QRFPR: variants seen among roughly 807,000 people sequenced by gnomAD.
The protein encoded by QRFPR is pyroglutamylated RF-amide peptide receptor.
In QRFPR, 37 loss-of-function variants were observed where a neutral mutation model predicts 31.3. The ratio of observed to expected loss-of-function variants is 1.18; its 90% CI spans 0.91 to 1.56. The LOEUF is 1.56. QRFPR is among the 40% of genes most tolerant of loss of function. QRFPR has a pLI of 0.00. For synonymous variants in QRFPR, 197 were observed against 192.0 expected, an observed-to-expected ratio of 1.03 and a Z score of -0.22; for missense variants, 542 against 532.5, an observed-to-expected ratio of 1.02 and a Z score of -0.18.
At chr4:121,350,681 G>T (rs956723688) in intron 1 of QRFPR, among the ~76,000 whole-genome samples, 7 of 152,044 alleles carry the variant, frequency 4.6e-5, no homozygotes, top group Non-Finnish European at 8.8e-5. Flanking sequence ...TTTATTTTTG[G>T]AAGGTAGCTT....
chr4:121,344,962 G>A (rs957164643), intron 1 of QRFPR, among the ~76,000 whole-genome samples: 1 of 152,100 alleles, frequency 6.6e-6, no homozygotes, highest in Non-Finnish European at 1.5e-5. Context: ...CTGTTTACTT[G>A]GGATATCCTT....
At chr4:121,354,106 C>G (rs1458435252) in intron 1 of QRFPR, among the ~76,000 whole-genome samples, 1 of 151,978 alleles carries the variant, frequency 6.6e-6, no homozygotes, top group East Asian at 1.9e-4. Context: ...GTTTTGATTC[C>G]TATAGTTTTG....
chr4:121,335,911 C>G (rs1725425889), intron 3 of QRFPR, among the ~76,000 whole-genome samples: 1 of 151,900 alleles, frequency 6.6e-6, no homozygotes, highest in Non-Finnish European at 1.5e-5. Context: ...TGCATTTTTC[C>G]AGGTAGCAAG....
intron 1 of QRFPR, chr4:121,369,563 C>T (rs545979440): frequency 3.4e-4 from 542 of 1,609,964 alleles, no homozygotes; most frequent in Non-Finnish European, 4.0e-4. Flanking sequence ...TTCAGCCATT[C>T]GGTTGGCCTG....
intron 1 of QRFPR, among the ~76,000 whole-genome samples, chr4:121,357,447 G>A (rs1401841013): frequency 6.6e-6 from 1 of 152,108 alleles, no homozygotes; most frequent in Non-Finnish European, 1.5e-5. Flanking sequence ...CCGTAACCAG[G>A]AATTCAGACC....
At chr4:121,363,389 T>C (rs921560763) in intron 1 of QRFPR, among the ~76,000 whole-genome samples, 1 of 149,962 alleles carries the variant, frequency 6.7e-6, no homozygotes, top group Non-Finnish European at 1.5e-5. Flanking sequence ...ATGTCAATCA[T>C]GCTGGCCTAA....
In QRFPR at chr4:121,369,529, G is replaced by A; in HGVS notation, c.340+10779C>T. ...CTTCCGTCACTGGGAAGTCCATCTT[G>A]GGTGGCTTCAAGGCTGCTGGATCTT... On this transcript the variant is annotated intron_variant, in intron 1 of 5. Transcript: ENST00000394427. The A allele has an allele frequency of 1.9e-6, 3 of 1,559,182 alleles. No individual in the cohort carries two copies. The South Asian group carries it at 3.4e-5, about 18-fold the overall frequency.
chr4:121,329,451 T>C lies in QRFPR; in HGVS notation c.1159A>G (p.Lys387Glu). 6.2e-7 allele frequency: 1 copy of C among 1,614,176 alleles called. No individual in the cohort carries two copies. The highest frequency in any genetic ancestry group is 8.5e-7 in the Non-Finnish European group (1 of 1,180,022). ...TTGCCATCACTGAATGCTTCTCCTT[T>C]GGTTTCCTCCACTGGATTCTCTCTG... is the stretch of plus-strand genomic sequence containing the variant. ...SLRENPVEET[K>E]GEAFSDGNIE... is the part of the protein sequence containing the mutation. The change falls in exon 6 of 6, where the codon AAA becomes GAA. Residue 387 changes from lysine to glutamate, a missense_variant. Transcript: ENST00000394427.
intron 1 of QRFPR, among the ~76,000 whole-genome samples, chr4:121,374,547 C>G (rs952861904): frequency 1.3e-5 from 2 of 152,166 alleles, no homozygotes; most frequent in African/African-American, 4.8e-5. Flanking sequence ...TGGCTTTCAA[C>G]TTTGGCTGCA....
chr4:121,359,757 G>A (rs1270344990), intron 1 of QRFPR, among the ~76,000 whole-genome samples: 1 of 139,274 alleles, frequency 7.2e-6, no homozygotes, highest in Non-Finnish European at 1.6e-5. Flanking sequence ...GTATATATGG[G>A]AGTGTATATA....
chr4:121,332,965 A>G lies in QRFPR; in HGVS notation c.653T>C (p.Ile218Thr). The change falls in exon 4 of 6, where the codon ATC (isoleucine) becomes ACC (threonine). Residue 218 changes from isoleucine to threonine, a missense_variant. Coordinates refer to ENST00000394427, the MANE Select transcript of QRFPR (RefSeq NM_198179.3). ...AGGCAGGAGGAAGAGGATGACAAGG[A>G]TGAAGGTGGTGTAGATCTTCTGGTG... ...PVHQKIYTTFILVILFLLPLM... is the reference protein window; with the variant it reads ...PVHQKIYTTFTLVILFLLPLM... 1 of 1,614,072 alleles carries G rather than the reference A, an allele frequency of 6.2e-7. No homozygotes were observed. Among genetic ancestry groups the G allele is most frequent in the Non-Finnish European group, 8.5e-7 (1 of 1,179,940 alleles).
chr4:121,373,625 TA>T (rs1726295758), intron 1 of QRFPR, among the ~76,000 whole-genome samples: 1 of 152,204 alleles, frequency 6.6e-6, no homozygotes, highest in Admixed American at 6.5e-5. Flanking sequence ...ATTTCTGAAA[TA>T]TCATAGAAAA....
chr4:121,369,349 C>T (rs951283001), intron 1 of QRFPR: 2 of 640,408 alleles, frequency 3.1e-6, no homozygotes, highest in African/African-American at 1.8e-5. Flanking sequence ...TTAAATATAC[C>T]TTTCCTATGT....
At chr4:121,336,938 C>A (rs1725447433) in intron 2 of QRFPR, 70 bp from the exon 3 acceptor site, 5 of 1,355,684 alleles carry the variant, frequency 3.7e-6, no homozygotes, top group Admixed American at 1.7e-5. Flanking sequence ...AATTATCTAA[C>A]CCTCAAGATT....
chr4:121,360,676 A>G (rs1725971769), intron 1 of QRFPR, among the ~76,000 whole-genome samples: 1 of 152,142 alleles, frequency 6.6e-6, no homozygotes, highest in African/African-American at 2.4e-5. Flanking sequence ...AAATGACTTC[A>G]TGACTCATTC....
intron 1 of QRFPR, among the ~76,000 whole-genome samples, chr4:121,373,198 A>T (rs1008243376): frequency 6.6e-6 from 1 of 152,244 alleles, no homozygotes; most frequent in East Asian, 1.9e-4. Context: ...TCCTAAGTGC[A>T]CAGTGAAATA....
chr4:121,365,475 A>C (rs2110481030), intron 1 of QRFPR, among the ~76,000 whole-genome samples: 1 of 81,736 alleles, frequency 1.2e-5, no homozygotes, highest in Non-Finnish European at 2.3e-5. Flanking sequence ...TAAATAAATT[A>C]ATTAATTAAT....
At chr4:121,332,114 C>T (rs766533474) in intron 4 of QRFPR, among the ~76,000 whole-genome samples, 1 of 152,176 alleles carries the variant, frequency 6.6e-6, no homozygotes, top group African/African-American at 2.4e-5. Flanking sequence ...GATCACTGCA[C>T]ACTTGGAGAG....
chr4:121,365,582 TATATATATTATATATATATA>T (rs1726102321), intron 1 of QRFPR, among the ~76,000 whole-genome samples: 3 of 5,646 alleles, frequency 5.3e-4, no homozygotes, highest in South Asian at 6.3e-3. Context: ...TAATATATAT[TATATATATTATATATATATA>T]ATATATATAT....
Sources: gnomAD v4.1 joint callset for allele counts (sites outside exome capture counted in the v4.1 genomes callset) on GRCh38, gnomAD v4.1.1 for gene constraint, MANE v1.5 for transcripts, NCBI Gene and HGNC (gene_info 2026-07-23, HGNC 2026-07-21) for gene names.